The following EIF4ENIF1 variants were observed in gnomAD, a reference collection of about 807,000 sequenced individuals.
EIF4ENIF1 encodes the protein eukaryotic translation initiation factor 4E transporter.
A neutral mutation model predicts 110.5 loss-of-function variants in EIF4ENIF1; 23 were observed. The observed-to-expected ratio is 0.21, with a 90% confidence interval of 0.15 to 0.29. The LOEUF (loss-of-function observed/expected upper bound fraction) is 0.29, where lower values mean the gene tolerates loss of function less well. EIF4ENIF1 is among the 10% of genes least tolerant of loss of function. The probability of loss-of-function intolerance (pLI) is 1.00; values close to 1 mark genes in which losing one functional copy is unlikely to be tolerated. For synonymous variants in EIF4ENIF1, 440 were observed against 437.0 expected, an observed-to-expected ratio of 1.01 and a Z score of -0.09; for missense variants, 1,031 against 1,221.1, an observed-to-expected ratio of 0.84 and a Z score of 2.32.
chr22:31,458,678 T>A, intron 6 of EIF4ENIF1, 28 bp from the exon 7 acceptor site: 1 of 1,548,120 alleles, frequency 6.5e-7, no homozygotes, highest in Non-Finnish European at 8.7e-7. Flanking sequence ...ACAAAAACCG[T>A]CTGATAAGTA....
intron 17 of EIF4ENIF1, 116 bp from the exon 18 acceptor site, chr22:31,440,984 A>G (rs1007521583): frequency 7.2e-7 from 1 of 1,381,404 alleles, no homozygotes; most frequent in Non-Finnish European, 9.9e-7. Flanking sequence ...GGCTCTGCGC[A>G]GTGGCTCACG....
chr22:31,484,764 G>A (rs748489075), intron 2 of EIF4ENIF1, among the ~76,000 whole-genome samples: 13 of 151,792 alleles, frequency 8.6e-5, no homozygotes, highest in South Asian at 2.1e-4. Context: ...AACCTGGGGC[G>A]GAGGTTGCGG....
chr22:31,458,589 C>T lies in EIF4ENIF1; in HGVS notation c.849G>A (p.Gln283=). The change falls in exon 7 of 19, where the codon CAG becomes CAA. Residue 283 remains glutamine, a synonymous_variant. Coordinates refer to ENST00000330125, the MANE Select transcript of EIF4ENIF1 (RefSeq NM_019843.4). Reference sequence around the variant, plus strand: ...GCACTTCCTGATCAGCCGCAGGCTCCTGTGCAAGGATGACCTCCACTTCAT... The same window carrying T: ...GCACTTCCTGATCAGCCGCAGGCTCTTGTGCAAGGATGACCTCCACTTCAT... ...EEDEVEVILA[Q]EPAADQEVPR... 6.2e-7 allele frequency: 1 copy of T among 1,613,718 alleles called. No individual in the cohort carries two copies. The highest frequency in any genetic ancestry group is 8.5e-7 in the Non-Finnish European group (1 of 1,179,782).
chr22:31,442,876 T>G (rs1325853016), intron 16 of EIF4ENIF1, 86 bp downstream of exon 16: 10 of 1,541,736 alleles, frequency 6.5e-6, no homozygotes, highest in Non-Finnish European at 8.8e-6. Context: ...GGGCTTTGTA[T>G]AGAATATCAG....
intron 17 of EIF4ENIF1, among the ~76,000 whole-genome samples, chr22:31,441,550 G>GAAAAAAAAAAAAAAAAAAAAAAAAA (rs771597260): frequency 1.5e-4 from 10 of 65,252 alleles, no homozygotes; most frequent in African/African-American, 5.3e-4. Context: ...CTACAAAAAG[G>GAAAAAAAAAAAAAAAAAAAAAAAAA]AAAAAAAAAA....
chr22:31,455,901 T>C lies in EIF4ENIF1; in HGVS notation c.1050A>G (p.Arg350=). ...WFSNPSRSGS[R]SSSLGSTPHE... ...GTGGTGTTGACCCAAGACTGCTGGA[T>C]CGGCTTCCTGATCTGCTCGGGTTAG... The change falls in exon 8 of 19, where the codon CGA becomes CGG. Residue 350 remains arginine (R), a synonymous_variant. Coordinates refer to ENST00000330125, the MANE Select transcript of EIF4ENIF1 (RefSeq NM_019843.4). 1 of 1,614,188 alleles carries C rather than the reference T, an allele frequency of 6.2e-7. No individual in the cohort carries two copies.
intron 10 of EIF4ENIF1, chr22:31,450,839 TATACTACACACAC>T (rs1431975004): frequency 7.0e-6 from 1 of 142,324 alleles, no homozygotes; most frequent in Non-Finnish European, 1.4e-5. Context: ...CACATATATA[TATACTACACACAC>T]ACACACACAC....
intron 15 of EIF4ENIF1, chr22:31,444,400 C>G (rs2050397575): frequency 3.8e-6 from 2 of 520,888 alleles, no homozygotes; most frequent in Non-Finnish European, 7.0e-6. Flanking sequence ...AACATATTTT[C>G]CCCAATATAG....
At chr22:31,460,278 C>T (rs1478854355) in intron 6 of EIF4ENIF1, among the ~76,000 whole-genome samples, 1 of 152,176 alleles carries the variant, frequency 6.6e-6, no homozygotes, top group African/African-American at 2.4e-5. Context: ...CAGCTTATTT[C>T]TGCTTATATT....
At chr22:31,464,239 C>T (rs1204681780) in intron 4 of EIF4ENIF1, 1 of 356,186 alleles carries the variant, frequency 2.8e-6, no homozygotes, top group African/African-American at 2.1e-5. Context: ...TGACCAAATC[C>T]TTATCTAAGA....
At chr22:31,451,544 G>A (rs988108832) in intron 10 of EIF4ENIF1, among the ~76,000 whole-genome samples, 2 of 151,998 alleles carry the variant, frequency 1.3e-5, no homozygotes, top group Non-Finnish European at 2.9e-5. Flanking sequence ...AAAGTACTGG[G>A]ATTACAGGCA....
chr22:31,439,365 A>G (rs1247717929), downstream of EIF4ENIF1: 1 of 154,270 alleles, frequency 6.5e-6, no homozygotes, highest in Non-Finnish European at 1.4e-5. Flanking sequence ...AATGTCAGTT[A>G]CTTCATTCAC....
intron 3 of EIF4ENIF1, among the ~76,000 whole-genome samples, chr22:31,468,991 A>G (rs1247852714): frequency 6.6e-6 from 1 of 152,224 alleles, no homozygotes; most frequent in African/African-American, 2.4e-5. Context: ...TAACTCTCTC[A>G]CCAGAAGTAG....
chr22:31,462,892 T>A, intron 6 of EIF4ENIF1, 40 bp downstream of exon 6: 1 of 1,604,396 alleles, frequency 6.2e-7, no homozygotes, highest in South Asian at 1.1e-5. Context: ...CTACATCTCA[T>A]TTTAAAACAG....
At chr22:31,470,190 A>C (rs1018595853) in intron 3 of EIF4ENIF1, among the ~76,000 whole-genome samples, 1 of 11,026 alleles carries the variant, frequency 9.1e-5, no homozygotes, top group Non-Finnish European at 1.5e-4. Flanking sequence ...AAAAAGAAAA[A>C]TCCTAACTAA....
At chr22:31,483,806 T>C (rs2051917326) in intron 2 of EIF4ENIF1, among the ~76,000 whole-genome samples, 2 of 152,126 alleles carry the variant, frequency 1.3e-5, no homozygotes, top group Admixed American at 1.3e-4. Context: ...AATGCATACT[T>C]AGATACTACC....
chr22:31,485,081 T>C (rs77972591), intron 2 of EIF4ENIF1, among the ~76,000 whole-genome samples: 4,483 of 152,294 alleles, frequency 0.029, 173 homozygotes, highest in Admixed American at 0.081. Flanking sequence ...AAGTCCCGCA[T>C]AGAATTACTA....
Position 31,463,861 on chromosome 22 carries a change from G to A in EIF4ENIF1, c.405C>T (p.Arg135=). ...CHVTAAVSSR[R]SGSPLEKDSD... ...TATCTTTCTCTAATGGACTTCCTGAGCGCCGGGAGCTAACAGCGGCTGTCA... is the reference window on the plus strand; with the variant it reads ...TATCTTTCTCTAATGGACTTCCTGAACGCCGGGAGCTAACAGCGGCTGTCA... Residue 135 remains arginine (R), a synonymous_variant, in exon 5 of 19, where the codon CGC becomes CGT. Transcript: ENST00000330125. The A allele has an allele frequency of 6.2e-7, 1 of 1,614,092 alleles. No individual in the cohort carries two copies. Among genetic ancestry groups the A allele is most frequent in the Non-Finnish European group, 8.5e-7 (1 of 1,180,028 alleles).
rs1378175553 is a variant in EIF4ENIF1, at chr22:31,464,392, T to C, written c.299-425A>G. ...AGACAAAGAAATGAACTTAAATCTATATTTGGGGCCGGGCATGGTGGCTCA... is the reference window on the plus strand; with the variant it reads ...AGACAAAGAAATGAACTTAAATCTACATTTGGGGCCGGGCATGGTGGCTCA... On this transcript the variant is annotated intron_variant, in intron 4 of 18. Coordinates refer to ENST00000330125, the MANE Select transcript of EIF4ENIF1 (RefSeq NM_019843.4). Among the ~76,000 whole-genome samples, 4 of 151,798 alleles carry C rather than the reference T, an allele frequency of 2.6e-5. No individual in the cohort carries two copies. The East Asian group carries it at 7.7e-4, about 29-fold the overall frequency.
Sources: allele counts gnomAD v4.1 joint callset (sites outside exome capture counted in the v4.1 genomes callset), GRCh38; gene constraint gnomAD v4.1.1; transcripts MANE v1.5; gene names NCBI Gene and HGNC (gene_info 2026-07-23, HGNC 2026-07-21).